The following SLC24A3 variants were observed in gnomAD, a reference collection of about 807,000 sequenced individuals.
SLC24A3 encodes sodium/potassium/calcium exchanger 3.
Under a neutral mutation model 75.8 loss-of-function variants are expected in SLC24A3, and 28 were observed. The ratio of observed to expected loss-of-function variants is 0.37; its 90% CI spans 0.27 to 0.51. The LOEUF is 0.51. Ranked by LOEUF, SLC24A3 falls within the 20% of genes least tolerant of loss-of-function variation. The pLI is 0.94. For missense variants in SLC24A3, 663 were observed against 847.8 expected (o/e 0.78, Z 2.71); for synonymous variants, 372 against 334.1 (o/e 1.11, Z -1.24).
chr20:19,663,996 GCTTT>G (rs2032369063), intron 7 of SLC24A3, among the ~76,000 whole-genome samples: 1 of 152,042 alleles, frequency 6.6e-6, no homozygotes, highest in Admixed American at 6.5e-5. Context: ...CAGAATAAGG[GCTTT>G]CTAAAAGCTG....
chr20:19,237,917 G>A (rs1982213909), intron 1 of SLC24A3, among the ~76,000 whole-genome samples: 1 of 152,198 alleles, frequency 6.6e-6, no homozygotes, highest in African/African-American at 2.4e-5. Flanking sequence ...TGCCTGAGCG[G>A]CTGTAACATT....
At chr20:19,346,184 GTGTATATATATATATGGTA>G (rs1985408869) in intron 2 of SLC24A3, among the ~76,000 whole-genome samples, 4 of 88,962 alleles carry the variant, frequency 4.5e-5, no homozygotes, top group East Asian at 2.9e-4. Context: ...TATATATATG[GTGTATATATATATATGGTA>G]TATATATATG....
chr20:19,558,727 A>T (rs1017761365), intron 3 of SLC24A3, among the ~76,000 whole-genome samples: 28 of 152,264 alleles, frequency 1.8e-4, no homozygotes, highest in African/African-American at 5.8e-4. Flanking sequence ...ATATCAGTAC[A>T]TGGTGTTGAT....
intron 11 of SLC24A3, 137 bp from the exon 12 acceptor site, chr20:19,684,963 C>T: frequency 2.0e-6 from 2 of 1,015,854 alleles, no homozygotes; most frequent in South Asian, 1.8e-5. Flanking sequence ...CATTGAGAGG[C>T]CCCTTAAAAC....
intron 2 of SLC24A3, among the ~76,000 whole-genome samples, chr20:19,317,189 A>G (rs1200299360): frequency 6.6e-6 from 1 of 152,194 alleles, no homozygotes; most frequent in Admixed American, 6.6e-5. Context: ...TTAAAAACTT[A>G]AATGCAAAAC....
At chr20:19,475,595 A>G (rs1255131285) in intron 2 of SLC24A3, among the ~76,000 whole-genome samples, 1 of 152,234 alleles carries the variant, frequency 6.6e-6, no homozygotes, top group Non-Finnish European at 1.5e-5. Context: ...ATGACCAGTT[A>G]GAAGATACAC....
chr20:19,720,814 T>G (rs556877225), intron 16 of SLC24A3, among the ~76,000 whole-genome samples, 177 bp from the exon 17 acceptor site: 26 of 152,228 alleles, frequency 1.7e-4, no homozygotes, highest in African/African-American at 5.3e-4. Context: ...GATGTTGATG[T>G]TCTCACCTCC....
chr20:19,223,328 A>G (rs1207310953), intron 1 of SLC24A3, among the ~76,000 whole-genome samples: 1 of 152,168 alleles, frequency 6.6e-6, no homozygotes, highest in African/African-American at 2.4e-5. Context: ...ATACAGAGAC[A>G]TCTCTTACAC....
intron 7 of SLC24A3, among the ~76,000 whole-genome samples, chr20:19,656,698 C>T (rs4813368): frequency 0.64 from 97,040 of 151,998 alleles, 31,448 homozygotes; most frequent in African/African-American, 0.71. Context: ...CAGAAGGAGA[C>T]GACTGTGCTC....
At chr20:19,331,898 A>G (rs536081275) in intron 2 of SLC24A3, among the ~76,000 whole-genome samples, 2 of 152,366 alleles carry the variant, frequency 1.3e-5, no homozygotes, top group African/African-American at 4.8e-5. Flanking sequence ...CCTTTGGATC[A>G]GGAGCCATGG....
intron 6 of SLC24A3, among the ~76,000 whole-genome samples, chr20:19,628,445 C>A (rs1443884739): frequency 6.6e-6 from 1 of 152,086 alleles, no homozygotes; most frequent in African/African-American, 2.4e-5. Context: ...CAGGTGAGTA[C>A]AACACCAAGA....
chr20:19,496,324 C>T (rs577360476), intron 2 of SLC24A3, among the ~76,000 whole-genome samples: 6 of 152,294 alleles, frequency 3.9e-5, no homozygotes, highest in African/African-American at 1.4e-4. Context: ...TGAGCAAAAA[C>T]AGACACTCAG....
At chr20:19,279,645 G>C (rs1983597762) in intron 1 of SLC24A3, among the ~76,000 whole-genome samples, 1 of 151,940 alleles carries the variant, frequency 6.6e-6, no homozygotes, top group South Asian at 2.1e-4. Context: ...CCTTCTCCCT[G>C]GTGCCCCCTC....
chr20:19,385,961 C>A (rs1289247165), intron 2 of SLC24A3, among the ~76,000 whole-genome samples: 1 of 152,142 alleles, frequency 6.6e-6, no homozygotes, highest in Non-Finnish European at 1.5e-5. Flanking sequence ...TGAAAAATAC[C>A]ATTGGAATTT....
intron 13 of SLC24A3, among the ~76,000 whole-genome samples, chr20:19,696,015 C>CTTTTCT (rs1555807706): frequency 3.7e-5 from 4 of 108,074 alleles, no homozygotes; most frequent in African/African-American, 1.4e-4. Context: ...TTTTCCTTTT[C>CTTTTCT]TTTTTTTTTT....
At chr20:19,622,659 T>C (rs2031818792) in intron 6 of SLC24A3, among the ~76,000 whole-genome samples, 1 of 152,196 alleles carries the variant, frequency 6.6e-6, no homozygotes, top group African/African-American at 2.4e-5. Context: ...CTAAATTATT[T>C]TCCAACCCTG....
intron 2 of SLC24A3, among the ~76,000 whole-genome samples, chr20:19,343,272 T>C (rs1985316946): frequency 6.6e-6 from 1 of 152,048 alleles, no homozygotes; most frequent in Non-Finnish European, 1.5e-5. Context: ...AGCAGTTTGT[T>C]TGACCCACAC....
intron 4 of SLC24A3, among the ~76,000 whole-genome samples, chr20:19,581,430 T>C (rs779499342): frequency 5.9e-5 from 9 of 152,160 alleles, no homozygotes; most frequent in African/African-American, 1.7e-4. Context: ...TTCTACTCAG[T>C]TGAGGACACA....
intron 6 of SLC24A3, among the ~76,000 whole-genome samples, chr20:19,597,625 TC>T (rs1275473244): frequency 6.6e-6 from 1 of 152,180 alleles, no homozygotes; most frequent in Non-Finnish European, 1.5e-5. Context: ...ACATTGTTGT[TC>T]ATTGTGGTCA....
Sources: gnomAD v4.1 joint callset for allele counts (sites outside exome capture counted in the v4.1 genomes callset) on GRCh38, gnomAD v4.1.1 for gene constraint, MANE v1.5 for transcripts, NCBI Gene and HGNC (gene_info 2026-07-23, HGNC 2026-07-21) for gene names.